GRIP1: variants seen among roughly 807,000 people sequenced by gnomAD.
GRIP1 encodes glutamate receptor-interacting protein 1.
In GRIP1, 45 loss-of-function variants were observed where a neutral mutation model predicts 129.9. The observed-to-expected ratio is 0.35, with a 90% CI of 0.27 to 0.44. The LOEUF (loss-of-function observed/expected upper bound fraction) is 0.44, where lower values mean the gene tolerates loss of function less well. GRIP1 is among the 20% of genes least tolerant of loss of function. The pLI is 1.00. For missense variants in GRIP1, 1,196 were observed against 1,396.8 expected (o/e 0.86, Z 2.29); for synonymous variants, 530 against 520.8 (o/e 1.02, Z -0.24).
At chr12:66,785,942 G>A (rs1233590208) in intron 1 of GRIP1, among the ~76,000 whole-genome samples, 5 of 152,052 alleles carry the variant, frequency 3.3e-5, no homozygotes, top group Non-Finnish European at 2.9e-5. Context: ...AATTAGCCGG[G>A]CATGGTGGCA....
chr12:66,921,451 C>T (rs570042547), intron 1 of GRIP1, among the ~76,000 whole-genome samples: 1 of 152,146 alleles, frequency 6.6e-6, no homozygotes, highest in South Asian at 2.1e-4. Context: ...ATTTCTTGGC[C>T]TTGTTCTTTA....
intron 16 of GRIP1, among the ~76,000 whole-genome samples, chr12:66,400,698 A>G (rs953080180): frequency 6.6e-6 from 1 of 152,184 alleles, no homozygotes; most frequent in Non-Finnish European, 1.5e-5. Context: ...TTAGAGTAAT[A>G]TTCCCCAAAC....
chr12:66,984,205 C>T (rs1352992932), intron 1 of GRIP1, among the ~76,000 whole-genome samples: 1 of 152,160 alleles, frequency 6.6e-6, no homozygotes, highest in Non-Finnish European at 1.5e-5. Flanking sequence ...GACATCCCAG[C>T]AACTGCAAAA....
chr12:66,799,550 C>T (rs1477172569), intron 1 of GRIP1, among the ~76,000 whole-genome samples: 2 of 152,110 alleles, frequency 1.3e-5, no homozygotes, highest in African/African-American at 4.8e-5. Flanking sequence ...GCTTCCCTCT[C>T]TCCTTCCTTT....
rs372489614 is a variant in GRIP1, at chr12:66,382,370, A to G, written c.2465-2934T>C. On this transcript the variant is annotated intron_variant, in intron 19 of 24. Coordinates refer to ENST00000359742, the MANE Select transcript of GRIP1 (RefSeq NM_001366722.1). ...CCCTGTCTCAAAAATAAATAAATAAACAAATAAATAAAACTTAATAAAAGT... is the reference window on the plus strand; with the variant it reads ...CCCTGTCTCAAAAATAAATAAATAAGCAAATAAATAAAACTTAATAAAAGT... Among the ~76,000 whole-genome samples, 57 of 152,328 alleles carry G rather than the reference A, an allele frequency of 3.7e-4. 2 individuals are homozygous for G. In the South Asian group the frequency reaches 0.011, roughly 30 times the overall value.
rs185220645 is a variant in GRIP1 at position 66,956,272 on chromosome 12, T to C, written c.58+112778A>G. On this transcript the variant is annotated intron_variant, in intron 1 of 1. Coordinates refer to the GRIP1 transcript ENST00000643019. Reference sequence around the variant, plus strand: ...ACTTTTGAAGCAAATTGATCAGGTATTCCACTGGAGGTCCCTCGATTGGGG... The same window carrying C: ...ACTTTTGAAGCAAATTGATCAGGTACTCCACTGGAGGTCCCTCGATTGGGG... 2.6e-5 allele frequency among the ~76,000 whole-genome samples: 4 copies of C among 152,346 alleles called. No homozygotes were observed. In the East Asian group the frequency reaches 7.7e-4, roughly 29 times the overall value.
intron 2 of GRIP1, among the ~76,000 whole-genome samples, chr12:66,596,078 C>T (rs897344655): frequency 6.6e-6 from 1 of 152,190 alleles, no homozygotes; most frequent in African/African-American, 2.4e-5. Context: ...TATAATACAT[C>T]ATTTTACATA....
Position 66,624,841 on chromosome 12 carries a change from T to C in GRIP1, c.56-27914A>G, listed in dbSNP as rs544074319. On this transcript the variant is annotated intron_variant, in intron 1 of 24. Coordinates refer to ENST00000359742, the MANE Select transcript of GRIP1 (RefSeq NM_001366722.1). ...CGAGCAACATTTCCAATTTAACTTG[T>C]TCCAGAGACTGTAATATTTACAGCT... Among the ~76,000 whole-genome samples the C allele has an allele frequency of 2.0e-5, 3 of 152,276 alleles. No individual in the cohort carries two copies. The East Asian group carries it at 5.8e-4, about 29-fold the overall frequency.
intron 1 of GRIP1, among the ~76,000 whole-genome samples, chr12:66,685,501 A>G (rs781221342): frequency 2.0e-5 from 3 of 152,166 alleles, no homozygotes; most frequent in Admixed American, 2.0e-4. Flanking sequence ...TATTTATCCA[A>G]ATTAAAAAGA....
At chr12:66,899,621 T>G (rs969598234) in intron 1 of GRIP1, among the ~76,000 whole-genome samples, 2 of 152,140 alleles carry the variant, frequency 1.3e-5, no homozygotes, top group African/African-American at 4.8e-5. Flanking sequence ...CATCTTGGCC[T>G]CCCAAAGCAC....
At chr12:66,880,629 A>G (rs1166294695) in intron 1 of GRIP1, among the ~76,000 whole-genome samples, 2 of 152,158 alleles carry the variant, frequency 1.3e-5, no homozygotes, top group Non-Finnish European at 2.9e-5. Context: ...CATTGTTTCC[A>G]ACTTATAATT....
In GRIP1 at chr12:66,516,474, G is replaced by T. The variant is rs560159133; in HGVS notation, c.579-710C>A. Among the ~76,000 whole-genome samples, 277 of 152,168 alleles carry T rather than the reference G, an allele frequency of 1.8e-3. 1 individual carries two copies. Among genetic ancestry groups the T allele is most frequent in the African/African-American group, 6.2e-3 (259 of 41,528 alleles). On this transcript the variant is annotated intron_variant, in intron 6 of 24. Transcript: ENST00000359742. ...TGGTGGGATTATATGTTTAGGATTT[G>T]GAAAGAATAATAATGACCTTTGAAA...
chr12:66,810,480 C>G (rs2039082154), intron 1 of GRIP1, among the ~76,000 whole-genome samples: 1 of 152,114 alleles, frequency 6.6e-6, no homozygotes, highest in Non-Finnish European at 1.5e-5. Flanking sequence ...ATCGCTTGAA[C>G]CTGGGAGGCA....
intron 7 of GRIP1, among the ~76,000 whole-genome samples, chr12:66,467,484 G>A (rs79147651): frequency 6.6e-6 from 1 of 152,286 alleles, no homozygotes; most frequent in East Asian, 1.9e-4. Context: ...TTCAGTGAGT[G>A]GGCCCCATGG....
chr12:66,718,608 T>C (rs939282340), intron 1 of GRIP1, among the ~76,000 whole-genome samples: 1 of 152,110 alleles, frequency 6.6e-6, no homozygotes, highest in South Asian at 2.1e-4. Flanking sequence ...CCCAGCACTT[T>C]GGGAGGCTGA....
intron 2 of GRIP1, chr12:66,568,031 A>G: frequency 4.7e-6 from 1 of 211,058 alleles, no homozygotes. Flanking sequence ...TCCAGATATC[A>G]CCAATGAATT....
In GRIP1 at chr12:66,493,479, T is replaced by C. The variant is rs114357325; in HGVS notation, c.724+22140A>G. The stretch of plus-strand genomic sequence containing the variant: ...GGTCTTCTATAGACATCTGTTTTTT[T>C]GACTAGGTTTTAGACAGCAAGGGTA... On this transcript the variant is annotated intron_variant, in intron 7 of 24. Coordinates refer to ENST00000359742, the MANE Select transcript of GRIP1 (RefSeq NM_001366722.1). Among the ~76,000 whole-genome samples, 1,149 of 152,298 alleles carry C rather than the reference T, an allele frequency of 7.5e-3. 16 individuals are homozygous for C. The highest frequency in any genetic ancestry group is 0.027 in the African/African-American group (1,104 of 41,562).
intron 1 of GRIP1, among the ~76,000 whole-genome samples, chr12:66,715,516 G>GAGA (rs1555229493): frequency 1.4e-5 from 2 of 145,600 alleles, no homozygotes; most frequent in African/African-American, 2.5e-5. Context: ...GAGAGAGAGA[G>GAGA]AACTGTCTCC....
chr12:66,369,947 G>C (rs1282411390), intron 23 of GRIP1, among the ~76,000 whole-genome samples: 1 of 152,126 alleles, frequency 6.6e-6, no homozygotes, highest in African/African-American at 2.4e-5. Flanking sequence ...CCTAAACCTG[G>C]GTCATCATCC....
Sources: gnomAD v4.1 joint callset for allele counts (sites outside exome capture counted in the v4.1 genomes callset) on GRCh38, gnomAD v4.1.1 for gene constraint, MANE v1.5 for transcripts, NCBI Gene and HGNC (gene_info 2026-07-23, HGNC 2026-07-21) for gene names.